Variants in MAST2 observed in about 807,000 individuals in gnomAD.
MAST2 encodes microtubule-associated serine/threonine-protein kinase 2.
In MAST2, 70 loss-of-function variants were observed where a neutral mutation model predicts 147.4. The observed-to-expected ratio is 0.47, with a 90% CI of 0.39 to 0.58. The LOEUF is 0.58. Ranked by LOEUF, MAST2 falls within the 20% of genes least tolerant of loss-of-function variation. The probability of loss-of-function intolerance (pLI) is 0.00; values close to 1 mark genes in which losing one functional copy is unlikely to be tolerated. For missense variants in MAST2, 2,080 were observed against 2,302.3 expected (o/e 0.90, Z 1.98); for synonymous variants, 869 against 896.8 (o/e 0.97, Z 0.55).
chr1:46,035,792 C>A lies in MAST2; in HGVS notation c.5123C>A (p.Pro1708His), dbSNP rs1230241299. The A allele has an allele frequency of 1.2e-6, 2 of 1,614,136 alleles. No individual in the cohort carries two copies. Among genetic ancestry groups the A allele is most frequent in the South Asian group, 2.2e-5 (2 of 91,084 alleles). The change falls in exon 29 of 29, where the codon CCT (proline) becomes CAT (histidine). Residue 1708 changes from proline (P) to histidine (H), a missense_variant. Physicochemically the swap from Pro to His is moderately conservative, Grantham distance 77 (BLOSUM62 -2). Coordinates refer to ENST00000361297, the MANE Select transcript of MAST2 (RefSeq NM_015112.3). The surrounding 1 kb of genome is among the most constrained non-coding windows in gnomAD (Gnocchi z 5.5). ...AGGGAGCAGGGGAAGACACAGCCACCTAGTGCCCCCAGACTGGCCCATCCA... is the reference window on the plus strand; with the variant it reads ...AGGGAGCAGGGGAAGACACAGCCACATAGTGCCCCCAGACTGGCCCATCCA... ...SPREQGKTQPPSAPRLAHPSY... is the reference protein window; with the variant it reads ...SPREQGKTQPHSAPRLAHPSY...
chr1:45,936,084 T>A (rs899139627), intron 4 of MAST2, among the ~76,000 whole-genome samples: 3 of 152,254 alleles, frequency 2.0e-5, no homozygotes, highest in African/African-American at 4.8e-5. Context: ...CAGTGTTTTT[T>A]AATTCTTGTT....
intron 5 of MAST2, among the ~76,000 whole-genome samples, chr1:45,997,520 G>A (rs1645103872): frequency 6.6e-6 from 1 of 152,146 alleles, no homozygotes; most frequent in Non-Finnish European, 1.5e-5. Flanking sequence ...TGAGAGACAT[G>A]GGTTGTTACA....
At chr1:45,814,137 A>G (rs944524259) in intron 1 of MAST2, among the ~76,000 whole-genome samples, 11 of 152,224 alleles carry the variant, frequency 7.2e-5, no homozygotes, top group South Asian at 2.1e-4. Context: ...TAATGATGAT[A>G]ATATACAACT....
chr1:46,028,621 C>A (rs1646510147), intron 17 of MAST2, 147 bp from the exon 18 acceptor site: 2 of 760,680 alleles, frequency 2.6e-6, no homozygotes, highest in Non-Finnish European at 4.4e-6. Flanking sequence ...TTCCCTGGGG[C>A]TTCTGTTGAT....
At chr1:45,995,488 A>G (rs1331480755) in intron 5 of MAST2, among the ~76,000 whole-genome samples, 3 of 152,224 alleles carry the variant, frequency 2.0e-5, no homozygotes, top group African/African-American at 7.2e-5. Flanking sequence ...TAACTTGATG[A>G]GTAGACGAGT....
chr1:45,944,394 A>AT (rs532812786), intron 4 of MAST2, among the ~76,000 whole-genome samples: 10 of 152,140 alleles, frequency 6.6e-5, no homozygotes, highest in African/African-American at 1.7e-4. Context: ...ACTACTTTAA[A>AT]TTTTTTTATC....
At chr1:45,940,693 C>T (rs1055360448) in intron 4 of MAST2, among the ~76,000 whole-genome samples, 18 of 151,212 alleles carry the variant, frequency 1.2e-4, no homozygotes, top group Non-Finnish European at 5.9e-5. Flanking sequence ...GATCTCGGCT[C>T]ACTGCAATCT....
At chr1:45,921,713 C>A (rs556560549) in intron 4 of MAST2, among the ~76,000 whole-genome samples, 10 of 152,278 alleles carry the variant, frequency 6.6e-5, no homozygotes. Context: ...GCCACCAGGC[C>A]CCAAAGCAGG....
intron 2 of MAST2, among the ~76,000 whole-genome samples, chr1:45,825,708 C>T (rs1406623586): frequency 6.6e-6 from 1 of 151,410 alleles, no homozygotes; most frequent in Non-Finnish European, 1.5e-5. Context: ...GCTGGGATTA[C>T]ATATGGGAGG....
At chr1:45,961,163 G>A (rs1416388941) in intron 5 of MAST2, among the ~76,000 whole-genome samples, 1 of 151,934 alleles carries the variant, frequency 6.6e-6, no homozygotes, top group African/African-American at 2.4e-5. Flanking sequence ...ACCACCAAGA[G>A]AACAGGGATC....
chr1:46,012,826 C>G (rs1042286225), intron 10 of MAST2, among the ~76,000 whole-genome samples: 16 of 150,938 alleles, frequency 1.1e-4, no homozygotes, highest in Admixed American at 2.6e-4. Flanking sequence ...GAGACCCCAT[C>G]TCTACACTAG....
intron 10 of MAST2, among the ~76,000 whole-genome samples, chr1:46,014,572 T>C (rs567349546): frequency 5.9e-5 from 9 of 152,126 alleles, no homozygotes; most frequent in African/African-American, 2.2e-4. Flanking sequence ...ATCCAGTCTA[T>C]CATTGTTGGA....
At chr1:45,978,871 A>G (rs537836344) in intron 5 of MAST2, among the ~76,000 whole-genome samples, 1 of 152,346 alleles carries the variant, frequency 6.6e-6, no homozygotes, top group South Asian at 2.1e-4. Flanking sequence ...GTAGAGGGAA[A>G]TGAAGAGTGA....
chr1:45,854,148 G>A (rs896173178), intron 3 of MAST2, among the ~76,000 whole-genome samples: 1 of 152,008 alleles, frequency 6.6e-6, no homozygotes, highest in African/African-American at 2.4e-5. Context: ...AGACCAGCCT[G>A]GCCAACATGG....
intron 4 of MAST2, among the ~76,000 whole-genome samples, chr1:45,946,138 A>G (rs1254113878): frequency 1.3e-5 from 2 of 152,252 alleles, no homozygotes; most frequent in Non-Finnish European, 2.9e-5. Context: ...AAATATAGGC[A>G]TGCCTAGAAT....
intron 4 of MAST2, among the ~76,000 whole-genome samples, chr1:45,941,315 A>T (rs1374035546): frequency 6.6e-6 from 1 of 152,164 alleles, no homozygotes; most frequent in Admixed American, 6.5e-5. Flanking sequence ...GGTAGAGTGC[A>T]GTGGCGGGAT....
At chr1:46,022,146 G>A (rs772827875) in intron 12 of MAST2, 64 bp downstream of exon 12, 312 of 1,594,024 alleles carry the variant, frequency 2.0e-4, no homozygotes, top group Non-Finnish European at 2.6e-4. Flanking sequence ...TAACAGCAGG[G>A]AAGCTGCTTG....
chr1:45,973,272 C>G (rs949843310), intron 5 of MAST2, among the ~76,000 whole-genome samples: 1 of 152,106 alleles, frequency 6.6e-6, no homozygotes, highest in African/African-American at 2.4e-5. Context: ...CAGTGAACCT[C>G]TCCACTACCC....
At chr1:45,899,248 A>G (rs568554767) in intron 4 of MAST2, among the ~76,000 whole-genome samples, 4 of 146,504 alleles carry the variant, frequency 2.7e-5, no homozygotes, top group Admixed American at 6.8e-5. Flanking sequence ...TTTGGAGGAG[A>G]TTTGCTCTGC....
Sources: gnomAD v4.1 joint callset for allele counts (sites outside exome capture counted in the v4.1 genomes callset) on GRCh38, gnomAD v4.1.1 for gene constraint, Gnocchi (gnomAD v3.1) non-coding constraint, MANE v1.5 for transcripts, NCBI Gene and HGNC (gene_info 2026-07-23, HGNC 2026-07-21) for gene names.